GPATCH3: variants seen among roughly 807,000 people sequenced by gnomAD.
GPATCH3 encodes the protein G-patch domain containing 3.
GPATCH3 carries 45 observed loss-of-function variants against 53.2 expected under a neutral mutation model. The observed-to-expected ratio is 0.85, with a 90% CI of 0.67 to 1.08. The LOEUF is 1.08. GPATCH3 is among the 50% of genes least tolerant of loss of function. The pLI, the probability that GPATCH3 is intolerant of heterozygous loss-of-function variation, is 0.00. For synonymous variants in GPATCH3, 280 were observed against 270.6 expected, an observed-to-expected ratio of 1.03 and a Z score of -0.34; for missense variants, 680 against 687.2, an observed-to-expected ratio of 0.99 and a Z score of 0.12.
Position 26,900,365 on chromosome 1 carries a change from C to T in GPATCH3, c.78G>A (p.Ser26=), listed in dbSNP as rs759175766. 72 of 1,613,920 alleles carry T rather than the reference C, an allele frequency of 4.5e-5. No homozygotes were observed. The highest frequency in any genetic ancestry group is 9.3e-5 in the African/African-American group (7 of 74,924). The part of the protein sequence containing the change: ...VVSGIPSVLR[S]AHLRSYFSQF... ...GGCTAAAATAGCTCCGTAAATGGGC[C>T]GAGCGCAACACGGAGGGGATACCGC... Residue 26 remains serine (S), a synonymous_variant, in exon 1 of 7, where the codon TCG becomes TCA. Coordinates refer to ENST00000361720, the MANE Select transcript of GPATCH3 (RefSeq NM_022078.3).
In GPATCH3 at chr1:26,892,762, CAG is replaced by C. The variant is rs757069838; in HGVS notation, c.1139_1140del (p.Ser380CysfsTer27). 5.0e-5 allele frequency: 80 copies of C among 1,614,074 alleles called. No individual in the cohort carries two copies. The highest frequency in any genetic ancestry group is 6.4e-5 in the Non-Finnish European group (75 of 1,180,022). ...AGTCTCTGTTCCAGACGCATTTGGACAGAGTCTCGGGCATCCTTGTCTCCACC... is the reference window on the plus strand; with the variant it reads ...AGTCTCTGTTCCAGACGCATTTGGACAGTCTCGGGCATCCTTGTCTCCACC... ...RDGGDKDARD[S>X]VQMRLEQRLR... On this transcript the variant is annotated frameshift_variant, in exon 5 of 7. Transcript: ENST00000361720. LOFTEE classifies it high-confidence loss of function.
In GPATCH3 at chr1:26,897,518, T is replaced by C. The variant is rs2081956552; in HGVS notation, c.659A>G (p.Gln220Arg). 7 of 1,614,218 alleles carry C rather than the reference T, an allele frequency of 4.3e-6. No individual in the cohort carries two copies. In the South Asian group the frequency reaches 7.7e-5, roughly 18 times the overall value. Residue 220 changes from glutamine to arginine, a missense_variant, in exon 2 of 7, where the codon CAG becomes CGG. Physicochemically the swap from Gln to Arg is conservative, Grantham distance 43 (BLOSUM62 1). Coordinates refer to ENST00000361720, the MANE Select transcript of GPATCH3 (RefSeq NM_022078.3). ...GGAACCTGTCTTGGGGAACTGGAGC[T>C]GCAGCTGGGTGATGATCCGAGGGGG... Reference protein sequence around the residue: ...RLPPRIITQLQLQFPKTGSSR... With the variant: ...RLPPRIITQLRLQFPKTGSSR...
Position 26,900,453 on chromosome 1 carries a change from C to G in GPATCH3, c.-11G>C. ...GCCGGGCACCGCCATCTTGGATTGTCACATGATCAGCTAGAACCAAGTCTC... is the reference window on the plus strand; with the variant it reads ...GCCGGGCACCGCCATCTTGGATTGTGACATGATCAGCTAGAACCAAGTCTC... On this transcript the variant is annotated 5_prime_UTR_variant, in exon 1 of 7. The change abolishes the stop of an existing upstream ORF in the 5' untranslated region. Transcript: ENST00000361720. The G allele has an allele frequency of 1.2e-6, 2 of 1,604,324 alleles. No homozygotes were observed. The highest frequency in any genetic ancestry group is 1.7e-6 in the Non-Finnish European group (2 of 1,173,918).
intron 1 of GPATCH3, among the ~76,000 whole-genome samples, chr1:26,898,449 C>T (rs1421035076): frequency 6.6e-6 from 1 of 152,082 alleles, no homozygotes; most frequent in Non-Finnish European, 1.5e-5. Flanking sequence ...TCCCAAGTAG[C>T]TGGGATTACA....
At chr1:26,896,738 C>T (rs1219762144) in intron 2 of GPATCH3, among the ~76,000 whole-genome samples, 2 of 142,360 alleles carry the variant, frequency 1.4e-5, no homozygotes, top group Non-Finnish European at 3.1e-5. Context: ...GAGGAACCAT[C>T]CTGGCCAGGC....
At chr1:26,898,671 CTT>C (rs547852686) in intron 1 of GPATCH3, among the ~76,000 whole-genome samples, 10 of 143,728 alleles carry the variant, frequency 7.0e-5, no homozygotes, top group Admixed American at 1.4e-4. Context: ...TTTTTTTCTT[CTT>C]TTTTTTTTTT....
At position 26,900,337 on chromosome 1, in the gene GPATCH3, A is replaced by G. The variant is rs779220292; in HGVS notation, c.106T>C (p.Phe36Leu). Reference protein sequence around the residue: ...SAHLRSYFSQFREERGGGFLC... With the variant: ...SAHLRSYFSQLREERGGGFLC... The stretch of plus-strand genomic sequence containing the variant: ...AAGCCACCGCCGCGCTCTTCTCGGA[A>G]CTGGCTAAAATAGCTCCGTAAATGG... Residue 36 changes from phenylalanine (F) to leucine (L), a missense_variant, in exon 1 of 7, where the codon TTC becomes CTC. Phe to Leu is a conservative substitution (Grantham distance 22). Coordinates refer to ENST00000361720, the MANE Select transcript of GPATCH3 (RefSeq NM_022078.3). The G allele has an allele frequency of 3.1e-6, 5 of 1,613,970 alleles. No individual in the cohort carries two copies. The Admixed American group carries it at 6.7e-5, about 22-fold the overall frequency.
chr1:26,899,913 A>C, intron 1 of GPATCH3, 79 bp downstream of exon 1: 1 of 1,328,128 alleles, frequency 7.5e-7, no homozygotes, highest in Non-Finnish European at 1.1e-6. Context: ...CAGAGGCCTG[A>C]CTTATCCTCA....
chr1:26,893,157 G>A (rs2081936010), intron 4 of GPATCH3, among the ~76,000 whole-genome samples: 1 of 152,180 alleles, frequency 6.6e-6, no homozygotes, highest in South Asian at 2.1e-4. Flanking sequence ...CAGACCTAGA[G>A]CCCCTAAGGG....
At chr1:26,893,512 A>C (rs915123777) in intron 3 of GPATCH3, 64 bp from the exon 4 acceptor site, 34 of 1,128,492 alleles carry the variant, frequency 3.0e-5, no homozygotes, top group Non-Finnish European at 4.3e-5. Flanking sequence ...TAAGAGTTAA[A>C]CCTAGAGTTT....
rs149060380 is a variant in GPATCH3 at position 26,897,481 on chromosome 1, G to A, written c.696C>T (p.Tyr232=). The A allele has an allele frequency of 7.6e-5, 122 of 1,614,230 alleles. No homozygotes were observed. Among genetic ancestry groups the A allele is most frequent in the Admixed American group, 1.0e-4 (6 of 60,012 alleles). ...CCTCATACTCAAAAGGCACATTGCCGTAGCGCCGGGAGGAACCTGTCTTGG... is the reference window on the plus strand; with the variant it reads ...CCTCATACTCAAAAGGCACATTGCCATAGCGCCGGGAGGAACCTGTCTTGG... ...QFPKTGSSRR[Y]GNVPFEYEDS... is the part of the protein sequence containing the mutation. The change falls in exon 2 of 7, where the codon TAC becomes TAT. Residue 232 remains tyrosine (Y), a synonymous_variant. Transcript: ENST00000361720.
rs148620476 is a variant in GPATCH3 at position 26,900,381 on chromosome 1, G to A, written c.62C>T (p.Pro21Leu). 39 of 1,613,828 alleles carry A rather than the reference G, an allele frequency of 2.4e-5. No individual in the cohort carries two copies. Among genetic ancestry groups the A allele is most frequent in the Non-Finnish European group, 3.3e-5 (39 of 1,180,040 alleles). ...TAAATGGGCCGAGCGCAACACGGAG[G>A]GGATACCGCTCACTACCAGGTAAAC... ...ATVYLVVSGI[P>L]SVLRSAHLRS... is the part of the protein sequence containing the mutation. The change falls in exon 1 of 7, where the codon CCC (proline) becomes CTC (leucine). Residue 21 changes from proline to leucine, a missense_variant. Coordinates refer to ENST00000361720, the MANE Select transcript of GPATCH3 (RefSeq NM_022078.3).
Position 26,890,782 on chromosome 1 carries a change from C to A in GPATCH3, c.*228G>T, listed in dbSNP as rs749008977. On this transcript the variant is annotated 3_prime_UTR_variant, in exon 7 of 7. Coordinates refer to ENST00000361720, the MANE Select transcript of GPATCH3 (RefSeq NM_022078.3). ...AAGCCCAGAGATTAGGGTTAGAGAC[C>A]AAAGACAAGCGGTCGTTACCCCTAA... is the stretch of plus-strand genomic sequence containing the variant. 2.7e-6 allele frequency: 2 copies of A among 749,106 alleles called. No homozygotes were observed. The highest frequency in any genetic ancestry group is 1.7e-5 in the Admixed American group (1 of 57,456). The allele number at this position is 749,106 out of a possible 1,614,324, so 46.4% of individuals were successfully genotyped here.
At chr1:26,898,714 TG>T (rs1325407067) in intron 1 of GPATCH3, among the ~76,000 whole-genome samples, 1 of 151,632 alleles carries the variant, frequency 6.6e-6, no homozygotes, top group African/African-American at 2.4e-5. Context: ...TCACCCAGGC[TG>T]GAGTACAGTG....
chr1:26,893,755 G>A (rs538663825), intron 3 of GPATCH3, among the ~76,000 whole-genome samples: 2 of 152,034 alleles, frequency 1.3e-5, no homozygotes, highest in Non-Finnish European at 2.9e-5. Flanking sequence ...TCTTGACCTC[G>A]TGATCTGCCC....
chr1:26,898,114 C>T (rs2081959066), intron 1 of GPATCH3, among the ~76,000 whole-genome samples: 2 of 152,016 alleles, frequency 1.3e-5, no homozygotes, highest in Admixed American at 6.6e-5. Context: ...TCATCTCGGG[C>T]GACAGAGTAC....
chr1:26,891,934 C>T (rs1232099403), intron 6 of GPATCH3, among the ~76,000 whole-genome samples: 1 of 152,042 alleles, frequency 6.6e-6, no homozygotes, highest in East Asian at 1.9e-4. Flanking sequence ...GTCTGAAACT[C>T]CTGACCTCGT....
chr1:26,892,705 C>G lies in GPATCH3; in HGVS notation c.1198G>C (p.Glu400Gln). 1 of 1,614,190 alleles carries G rather than the reference C, an allele frequency of 6.2e-7. No homozygotes were observed. The highest frequency in any genetic ancestry group is 8.5e-7 in the Non-Finnish European group (1 of 1,180,034). The part of the protein sequence containing the change: ...RDGQEDGSVI[E>Q]RQVGTFERHT... ...CGCTCAAAGGTGCCCACCTGGCGTT[C>G]GATCACAGAGCCATCTTCCTGTCCA... The change falls in exon 5 of 7, where the codon GAA becomes CAA. Residue 400 changes from glutamate (E) to glutamine (Q), a missense_variant. Physicochemically the swap from Glu to Gln is conservative, Grantham distance 29 (BLOSUM62 2). Coordinates refer to ENST00000361720, the MANE Select transcript of GPATCH3 (RefSeq NM_022078.3).
At chr1:26,899,800 A>G (rs924704094) in intron 1 of GPATCH3, among the ~76,000 whole-genome samples, 192 bp downstream of exon 1, 2 of 152,236 alleles carry the variant, frequency 1.3e-5, no homozygotes, top group Admixed American at 1.3e-4. Context: ...GCTCTTCCGA[A>G]TAAGCCTCTC....
Sources: allele counts gnomAD v4.1 joint callset (sites outside exome capture counted in the v4.1 genomes callset), GRCh38; gene constraint gnomAD v4.1.1; transcripts MANE v1.5; gene names NCBI Gene and HGNC (gene_info 2026-07-23, HGNC 2026-07-21).